Variants in INKA2 observed in about 807,000 individuals in gnomAD.
INKA2 encodes the protein PAK4-inhibitor INKA2.
Under a neutral mutation model 9.8 loss-of-function variants are expected in INKA2, and 3 were observed. The ratio of observed to expected loss-of-function variants is 0.31; its 90% CI spans 0.14 to 0.79. The LOEUF (loss-of-function observed/expected upper bound fraction) is 0.79. INKA2 is among the 30% of genes least tolerant of loss of function. The probability of loss-of-function intolerance (pLI) is 0.62; values close to 1 mark genes in which losing one functional copy is unlikely to be tolerated. For synonymous variants in INKA2, 147 were observed against 143.3 expected, an observed-to-expected ratio of 1.03 and a Z score of -0.18; for missense variants, 392 against 384.4, an observed-to-expected ratio of 1.02 and a Z score of -0.17.
At position 111,723,530 on chromosome 1, in the gene INKA2, G is replaced by C; in HGVS notation, c.*3438C>G. On this transcript the variant is annotated 3_prime_UTR_variant, in exon 2 of 2. Coordinates refer to ENST00000357260, the MANE Select transcript of INKA2 (RefSeq NM_019099.5). The stretch of plus-strand genomic sequence containing the variant: ...GGCCAATCAGGTGGCCCTTGTACCT[G>C]CCAGGGAAGTGGGGCAGGGTGGGGT... 1 of 191,234 alleles carries C rather than the reference G, an allele frequency of 5.2e-6. No individual in the cohort carries two copies. The highest frequency in any genetic ancestry group is 1.1e-5 in the Non-Finnish European group (1 of 93,794). 11.8% of individuals were successfully genotyped at this position (191,234 alleles called of 1,614,324 possible). A position where few individuals can be genotyped will look rare whatever the true frequency, so the allele number is the denominator to read the frequency against.
intron 1 of INKA2, among the ~76,000 whole-genome samples, chr1:111,736,764 C>T (rs1213113287): frequency 6.6e-6 from 1 of 152,214 alleles, no homozygotes; most frequent in African/African-American, 2.4e-5. Context: ...CTTTCCCACC[C>T]CATTGCAGAC....
At chr1:111,741,719 TTTTTG>T (rs1372678146), upstream of INKA2, among the ~76,000 whole-genome samples, 1 of 152,016 alleles carries the variant, frequency 6.6e-6, no homozygotes, top group Non-Finnish European at 1.5e-5. Context: ...TGAAATAGTG[TTTTTG>T]TTTTGTTTTT....
At chr1:111,748,404 T>C (rs1195348832) in intron 1 of INKA2, among the ~76,000 whole-genome samples, 2 of 152,170 alleles carry the variant, frequency 1.3e-5, no homozygotes, top group African/African-American at 4.8e-5. Flanking sequence ...TACCTTCTTG[T>C]GAAGGTAAAG....
intron 1 of INKA2, among the ~76,000 whole-genome samples, chr1:111,736,875 G>A (rs1663018680): frequency 6.6e-6 from 1 of 152,234 alleles, no homozygotes; most frequent in Admixed American, 6.5e-5. Flanking sequence ...GGCTAACCCT[G>A]GACTAACTCA....
intron 1 of INKA2, chr1:111,747,696 G>T (rs1322066865): frequency 6.6e-6 from 1 of 152,208 alleles, no homozygotes; most frequent in African/African-American, 2.4e-5. Flanking sequence ...CCTCATCCCA[G>T]TATCCTCCCT....
Position 111,724,868 on chromosome 1 carries a change from G to C in INKA2, c.*2100C>G, listed in dbSNP as rs571785369. On this transcript the variant is annotated 3_prime_UTR_variant, in exon 2 of 2. Transcript: ENST00000357260. ...TTCCTTTGCTAGCAGCCTAATCGGG[G>C]CAGTTTACACGCCCCCTAATAACCT... The C allele has an allele frequency of 1.1e-4, 17 of 152,302 alleles. No individual in the cohort carries two copies. The highest frequency in any genetic ancestry group is 4.1e-4 in the African/African-American group (17 of 41,544). The allele number at this position is 152,302 out of a possible 1,614,324, so 9.4% of individuals were successfully genotyped here. A position where few individuals can be genotyped will look rare whatever the true frequency, so the allele number is the denominator to read the frequency against.
In INKA2 at chr1:111,735,697, C is replaced by T. The variant is rs117422603; in HGVS notation, c.57+3489G>A. ...GCCTCAGGAAATTTGCCTTTTTGCC[C>T]CAAGATCTGAAGGCTGTTCCTACTG... On this transcript the variant is annotated intron_variant, in intron 1 of 1. Coordinates refer to ENST00000357260, the MANE Select transcript of INKA2 (RefSeq NM_019099.5). Among the ~76,000 whole-genome samples the T allele has an allele frequency of 7.9e-5, 12 of 152,212 alleles. No individual in the cohort carries two copies. In the East Asian group the frequency reaches 2.3e-3, roughly 29 times the overall value.
upstream of INKA2, among the ~76,000 whole-genome samples, chr1:111,742,120 C>G (rs1663163231): frequency 1.3e-5 from 2 of 152,124 alleles, no homozygotes; most frequent in Admixed American, 6.6e-5. Flanking sequence ...GGTTGAAAAT[C>G]CAAAAGAAGT....
intron 1 of INKA2, chr1:111,755,529 C>G (rs1663520135): frequency 9.9e-6 from 7 of 708,642 alleles, no homozygotes; most frequent in Non-Finnish European, 1.6e-5. Context: ...GAACGGAAAA[C>G]GGAAGCACGA....
intron 1 of INKA2, among the ~76,000 whole-genome samples, chr1:111,738,794 G>A (rs1663066276): frequency 6.6e-6 from 1 of 152,122 alleles, no homozygotes; most frequent in African/African-American, 2.4e-5. Context: ...CCCGCACCCA[G>A]GCGCCCGCGT....
chr1:111,739,373 C>T lies in INKA2; in HGVS notation c.-131G>A. ...CTCGCAGCGCGGAGCTGAGCCTGCGCTCCGAGCCCGGGACTCAGAGTCGCT... is the reference window on the plus strand; with the variant it reads ...CTCGCAGCGCGGAGCTGAGCCTGCGTTCCGAGCCCGGGACTCAGAGTCGCT... On this transcript the variant is annotated 5_prime_UTR_variant, in exon 1 of 2. Transcript: ENST00000357260. 6.6e-7 allele frequency: 1 copy of T among 1,520,244 alleles called. No homozygotes were observed. The allele number at this position is 1,520,244 out of a possible 1,614,324, so 94.2% of individuals were successfully genotyped here.
At position 111,726,321 on chromosome 1, in the gene INKA2, G is replaced by C; in HGVS notation, c.*647C>G. The C allele has an allele frequency of 2.7e-6, 1 of 366,652 alleles. No homozygotes were observed. Among genetic ancestry groups the C allele is most frequent in the African/African-American group, 2.1e-5 (1 of 47,916 alleles). 22.7% of individuals were successfully genotyped at this position (366,652 alleles called of 1,614,324 possible). On this transcript the variant is annotated 3_prime_UTR_variant, in exon 2 of 2. Coordinates refer to ENST00000357260, the MANE Select transcript of INKA2 (RefSeq NM_019099.5). ...GCGGGGAGTGTCTAGGGCTTCCCTGGCTGCTCCTTACACACTGTACTCCTT... is the reference window on the plus strand; with the variant it reads ...GCGGGGAGTGTCTAGGGCTTCCCTGCCTGCTCCTTACACACTGTACTCCTT...
At chr1:111,739,414 C>G, upstream of INKA2, 10 of 1,465,616 alleles carry the variant, frequency 6.8e-6, no homozygotes, top group Middle Eastern at 4.9e-4. Context: ...AGCGGCTAGC[C>G]GCGCGCGGTC....
chr1:111,726,855 A>G lies in INKA2; in HGVS notation c.*113T>C. 2 of 1,083,772 alleles carry G rather than the reference A, an allele frequency of 1.8e-6. No homozygotes were observed. The highest frequency in any genetic ancestry group is 1.3e-6 in the Non-Finnish European group (1 of 742,462). The allele number at this position is 1,083,772 out of a possible 1,614,324, so 67.1% of individuals were successfully genotyped here. On this transcript the variant is annotated 3_prime_UTR_variant, in exon 2 of 2. Transcript: ENST00000357260. ...GGCTTCTCCCCGCTTTCTGGGGGAA[A>G]GGAACTTGGAGTTGGGCTTTCGAGA... is the stretch of plus-strand genomic sequence containing the variant.
chr1:111,755,687 A>G (rs1663526287), intron 1 of INKA2: 2 of 1,613,476 alleles, frequency 1.2e-6, no homozygotes, highest in Non-Finnish European at 1.7e-6. Context: ...TGCAGGCCAC[A>G]GGCAGCGACT....
Position 111,755,647 on chromosome 1 carries a change from G to C in INKA2, n.124+54C>G, listed in dbSNP as rs1663524445. 3.1e-6 allele frequency: 5 copies of C among 1,607,850 alleles called. No individual in the cohort carries two copies. In the African/African-American group the frequency reaches 4.0e-5, roughly 13 times the overall value. ...CAGAAGAGGGCCGAGAGGCGGGGCG[G>C]TGCCCCCACCGCAGGCCCGCGGCGC... On this transcript the variant is annotated intron_variant and non_coding_transcript_variant, in intron 1 of 1. Coordinates refer to the INKA2 transcript ENST00000444059.
At chr1:111,728,374 T>A (rs922512934) in intron 1 of INKA2, among the ~76,000 whole-genome samples, 7 of 152,220 alleles carry the variant, frequency 4.6e-5, no homozygotes, top group Admixed American at 1.3e-4. Context: ...CGTATGAGGT[T>A]GCTATTTTCT....
chr1:111,733,520 G>A (rs916697844), intron 1 of INKA2, among the ~76,000 whole-genome samples: 1 of 152,230 alleles, frequency 6.6e-6, no homozygotes, highest in African/African-American at 2.4e-5. Context: ...AGATGGGGAG[G>A]AAGAACGTGA....
rs1444753305 is a variant in INKA2 at position 111,724,302 on chromosome 1, C to G, written c.*2666G>C. 6.6e-6 allele frequency: 1 copy of G among 152,190 alleles called. No homozygotes were observed. The highest frequency in any genetic ancestry group is 1.9e-4 in the East Asian group (1 of 5,200). The allele number at this position is 152,190 out of a possible 1,614,324, so 9.4% of individuals were successfully genotyped here. ...CTTCTCATTGCTCTGTTCTTAGTTT[C>G]TATAACAACACCTGGTGCTGGGAGG... On this transcript the variant is annotated 3_prime_UTR_variant, in exon 2 of 2. Coordinates refer to ENST00000357260, the MANE Select transcript of INKA2 (RefSeq NM_019099.5).
Sources: gnomAD v4.1 joint callset for allele counts (sites outside exome capture counted in the v4.1 genomes callset) on GRCh38, gnomAD v4.1.1 for gene constraint, MANE v1.5 for transcripts, NCBI Gene and HGNC (gene_info 2026-07-23, HGNC 2026-07-21) for gene names.